Variants in ARHGAP8 observed in about 807,000 individuals in gnomAD.
ARHGAP8 encodes rho GTPase-activating protein 8.
A neutral mutation model predicts 46.1 loss-of-function variants in ARHGAP8; 62 were observed. That is an observed-to-expected ratio of 1.34 (90% CI 1.10 to 1.66). The LOEUF (loss-of-function observed/expected upper bound fraction) is 1.66, where lower values mean the gene tolerates loss of function less well. ARHGAP8 is among the 40% of genes most tolerant of loss of function. ARHGAP8 has a pLI of 0.00. For synonymous variants in ARHGAP8, 375 were observed against 243.1 expected (o/e 1.54, Z -5.05); for missense variants, 923 against 568.4 (o/e 1.62, Z -6.34).
chr22:44,828,525 C>T (rs932041325), intron 7 of ARHGAP8, among the ~76,000 whole-genome samples: 1 of 151,532 alleles, frequency 6.6e-6, no homozygotes, highest in Non-Finnish European at 1.5e-5. Flanking sequence ...TCTCGGCTCC[C>T]TGCAACCTCC....
At chr22:44,754,125 T>G (rs1924473834) in intron 1 of ARHGAP8, among the ~76,000 whole-genome samples, 1 of 151,988 alleles carries the variant, frequency 6.6e-6, no homozygotes, top group Admixed American at 6.6e-5. Context: ...CTGGCTTCTG[T>G]GTAGAGAGAA....
Position 44,862,499 on chromosome 22 carries a change from C to T in ARHGAP8, c.1206C>T (p.Ala402=). Residue 402 remains alanine (A), a synonymous_variant, in exon 12 of 12, where the codon GCC becomes GCT. Transcript: ENST00000356099. ...LAPWEQGSRA[A]PLQEAVPRTQ... is the part of the protein sequence containing the mutation. ...CATGGGAACAGGGGAGCAGGGCAGC[C>T]CCTTTGCAGGAGGCTGTGCCACGGA... 6.2e-7 allele frequency: 1 copy of T among 1,613,630 alleles called. No individual in the cohort carries two copies. The highest frequency in any genetic ancestry group is 2.2e-5 in the East Asian group (1 of 44,858).
At chr22:44,858,410 C>G (rs556669076) in intron 10 of ARHGAP8, among the ~76,000 whole-genome samples, 9 of 150,452 alleles carry the variant, frequency 6.0e-5, no homozygotes, top group South Asian at 2.1e-4. Context: ...TCTTGTTGCC[C>G]AGGCTGGAGT....
chr22:44,820,023 C>G (rs1469112569), intron 5 of ARHGAP8, among the ~76,000 whole-genome samples: 1 of 152,206 alleles, frequency 6.6e-6, no homozygotes, highest in South Asian at 2.1e-4. Flanking sequence ...AGCCACATAA[C>G]CTCTCTGTTT....
At chr22:44,861,936 G>A (rs1230467567) in intron 11 of ARHGAP8, among the ~76,000 whole-genome samples, 1 of 152,150 alleles carries the variant, frequency 6.6e-6, no homozygotes, top group African/African-American at 2.4e-5. Flanking sequence ...GGCCAGAGAG[G>A]TCACCAAGTT....
In ARHGAP8 at chr22:44,785,128, G is replaced by A. The variant is rs147125004; in HGVS notation, c.-71-1329G>A. The stretch of plus-strand genomic sequence containing the variant: ...CCTCACGCTCCCTCCTCGATGGGGT[G>A]TTGGTCTGGATGAGTGAATCTCAAA... On this transcript the variant is annotated intron_variant, in intron 1 of 11. Transcript: ENST00000356099. 3.4e-3 allele frequency among the ~76,000 whole-genome samples: 521 copies of A among 152,326 alleles called. 5 individuals carry two copies. Among genetic ancestry groups the A allele is most frequent in the African/African-American group, 0.01 (436 of 41,576 alleles).
chr22:44,826,625 C>T (rs2147124650), intron 7 of ARHGAP8, among the ~76,000 whole-genome samples: 1 of 152,266 alleles, frequency 6.6e-6, no homozygotes, highest in Middle Eastern at 3.4e-3. Flanking sequence ...CAGGGTTTGG[C>T]CATGTTGCCT....
chr22:44,859,364 T>G (rs184380196), intron 10 of ARHGAP8, among the ~76,000 whole-genome samples: 1 of 152,298 alleles, frequency 6.6e-6, no homozygotes, highest in East Asian at 1.9e-4. Flanking sequence ...TGTCCCACTC[T>G]CTCTTGCTCC....
intron 11 of ARHGAP8, among the ~76,000 whole-genome samples, chr22:44,862,006 A>C (rs1601540796): frequency 6.6e-6 from 1 of 152,150 alleles, no homozygotes; most frequent in South Asian, 2.1e-4. Context: ...GTGCAGTGGA[A>C]GAGGAGATAG....
At chr22:44,801,982 G>A (rs986791152) in intron 2 of ARHGAP8, 95 bp from the exon 3 acceptor site, 27 of 1,477,936 alleles carry the variant, frequency 1.8e-5, no homozygotes, top group South Asian at 6.0e-5. Context: ...CTCCCAGCTC[G>A]GGCTGGACTG....
rs1344607124 is a variant in ARHGAP8 at position 44,859,551 on chromosome 22, A to T, written c.878-180A>T. The T allele has an allele frequency of 7.9e-6, 5 of 630,106 alleles. No individual in the cohort carries two copies. The East Asian group carries it at 1.4e-4, about 17-fold the overall frequency. 39.0% of individuals were successfully genotyped at this position (630,106 alleles called of 1,614,324 possible). A position where few individuals can be genotyped will look rare whatever the true frequency, so the allele number is the denominator to read the frequency against. ...ACCCCATCTCAGCAAGAATAGCCAA[A>T]CACACAGGTTTGCTGAGCAGAGCCA... On this transcript the variant is annotated intron_variant, in intron 10 of 11. Transcript: ENST00000356099.
At chr22:44,854,774 G>A (rs1786891579) in intron 10 of ARHGAP8, among the ~76,000 whole-genome samples, 1 of 152,118 alleles carries the variant, frequency 6.6e-6, no homozygotes, top group Non-Finnish European at 1.5e-5. Flanking sequence ...GAGTAGCTGG[G>A]ATTACAGGCA....
intron 7 of ARHGAP8, among the ~76,000 whole-genome samples, chr22:44,833,447 A>G (rs928531629): frequency 6.6e-6 from 1 of 152,018 alleles, no homozygotes; most frequent in Non-Finnish European, 1.5e-5. Flanking sequence ...TGTCCTTTAT[A>G]CTGTTGATAT....
At chr22:44,820,873 C>T (rs1348881713) in intron 5 of ARHGAP8, among the ~76,000 whole-genome samples, 3 of 152,292 alleles carry the variant, frequency 2.0e-5, no homozygotes, top group East Asian at 3.9e-4. Context: ...TGGCGCTGGA[C>T]TGAGCTGTGG....
At chr22:44,839,785 A>G (rs937375798) in intron 7 of ARHGAP8, among the ~76,000 whole-genome samples, 1 of 152,126 alleles carries the variant, frequency 6.6e-6, no homozygotes, top group East Asian at 1.9e-4. Context: ...GTTACCTGTT[A>G]CCACTTCACA....
intron 1 of ARHGAP8, among the ~76,000 whole-genome samples, chr22:44,757,057 C>T (rs999649787): frequency 2.0e-5 from 3 of 152,032 alleles, no homozygotes; most frequent in South Asian, 2.1e-4. Context: ...GCTCAGACTA[C>T]AGGTGCACAC....
intron 7 of ARHGAP8, among the ~76,000 whole-genome samples, chr22:44,843,387 A>C (rs1400117832): frequency 1.3e-5 from 2 of 152,252 alleles, no homozygotes; most frequent in Non-Finnish European, 2.9e-5. Flanking sequence ...GGAATGAAGC[A>C]TGCTGAAAAT....
intron 10 of ARHGAP8, among the ~76,000 whole-genome samples, chr22:44,858,067 G>A (rs1482984574): frequency 6.6e-6 from 1 of 152,214 alleles, no homozygotes; most frequent in Non-Finnish European, 1.5e-5. Flanking sequence ...TCATTTCAAG[G>A]GAATTCCTTG....
intron 4 of ARHGAP8, chr22:44,809,586 GT>G (rs1929194351): frequency 5.1e-6 from 1 of 195,678 alleles, no homozygotes; most frequent in Non-Finnish European, 1.1e-5. Flanking sequence ...CTTGTGTGTG[GT>G]AGGGCAGGAT....
Sources: gnomAD v4.1 joint callset for allele counts (sites outside exome capture counted in the v4.1 genomes callset) on GRCh38, gnomAD v4.1.1 for gene constraint, MANE v1.5 for transcripts, NCBI Gene and HGNC (gene_info 2026-07-23, HGNC 2026-07-21) for gene names.